The following CDH20 variants were observed in gnomAD, a reference collection of about 807,000 sequenced individuals.
CDH20 encodes the protein cadherin 20.
CDH20 carries 29 observed loss-of-function variants against 74.2 expected under a neutral mutation model. The ratio of observed to expected loss-of-function variants is 0.39; its 90% CI spans 0.29 to 0.53. The LOEUF (loss-of-function observed/expected upper bound fraction) is 0.53. CDH20 is among the 20% of genes least tolerant of loss of function. The pLI is 0.69. For synonymous variants in CDH20, 469 were observed against 405.4 expected (o/e 1.16, Z -1.88); for missense variants, 988 against 1,048.3 (o/e 0.94, Z 0.79).
intron 1 of CDH20, among the ~76,000 whole-genome samples, chr18:61,421,960 C>T (rs1217904982): frequency 2.6e-5 from 4 of 152,086 alleles, no homozygotes; most frequent in Admixed American, 6.5e-5. Context: ...ACGCTCATAT[C>T]ATACAATGAA....
At chr18:61,349,306 AGG>A (rs1568105069) in intron 1 of CDH20, among the ~76,000 whole-genome samples, 3 of 152,226 alleles carry the variant, frequency 2.0e-5, no homozygotes, top group Non-Finnish European at 4.4e-5. Context: ...GTGCTTTCCC[AGG>A]GAAAACAGAA....
At chr18:61,409,968 T>G (rs563640065) in intron 1 of CDH20, among the ~76,000 whole-genome samples, 42 of 152,344 alleles carry the variant, frequency 2.8e-4, no homozygotes, top group South Asian at 8.3e-4. Context: ...GGGAATTCTT[T>G]GAACCTTTTC....
chr18:61,341,431 CCG>C (rs386803966), intron 1 of CDH20, among the ~76,000 whole-genome samples: 1,665 of 151,440 alleles, frequency 0.011, 27 homozygotes, highest in African/African-American at 0.038. Context: ...AGCCCCCCCC[CCG>C]CCTAATGCCG....
At chr18:61,494,379 G>A (rs990895793) in intron 2 of CDH20, among the ~76,000 whole-genome samples, 12 of 152,040 alleles carry the variant, frequency 7.9e-5, no homozygotes, top group African/African-American at 2.7e-4. Flanking sequence ...ATTAGTGCTC[G>A]CCCTTTCCAA....
intron 7 of CDH20, among the ~76,000 whole-genome samples, chr18:61,529,074 C>T (rs1369553058): frequency 6.6e-6 from 1 of 152,156 alleles, no homozygotes; most frequent in Non-Finnish European, 1.5e-5. Context: ...CATCTCTCAC[C>T]AACTGGAACC....
rs1268406187 is a variant in CDH20 at position 61,507,518 on chromosome 18, C to T, written c.975C>T (p.Ser325=). 4 of 1,612,166 alleles carry T rather than the reference C, an allele frequency of 2.5e-6. No homozygotes were observed. The highest frequency in any genetic ancestry group is 3.4e-6 in the Non-Finnish European group (4 of 1,179,248). The change falls in exon 6 of 12, where the codon AGC becomes AGT. Residue 325 remains serine, a synonymous_variant. Coordinates refer to ENST00000262717, the MANE Select transcript of CDH20 (RefSeq NM_031891.4). ...ATGGTGCAGATGCCTTTGACATTAG[C>T]ACAGATCCCAATTTCCAAGTTGGTA... is the stretch of plus-strand genomic sequence containing the variant. ...DGDGADAFDI[S]TDPNFQVGII...
intron 1 of CDH20, among the ~76,000 whole-genome samples, chr18:61,385,446 C>G (rs1331709821): frequency 6.6e-6 from 1 of 151,784 alleles, no homozygotes; most frequent in African/African-American, 2.4e-5. Context: ...GAAATATATA[C>G]CAGTGATATA....
At chr18:61,409,987 A>C (rs1459994924) in intron 1 of CDH20, among the ~76,000 whole-genome samples, 1 of 152,210 alleles carries the variant, frequency 6.6e-6, no homozygotes, top group Non-Finnish European at 1.5e-5. Flanking sequence ...TCTGGTTCTG[A>C]GAACCAGGTG....
rs1269069072 is a variant in CDH20, at chr18:61,490,604, C to T, written c.51C>T (p.Gly17=). 1.2e-6 allele frequency: 2 copies of T among 1,614,132 alleles called. No homozygotes were observed. Among genetic ancestry groups the T allele is most frequent in the Non-Finnish European group, 1.7e-6 (2 of 1,180,012 alleles). ...ATGCAAAGAACTGGCTTGGACTTGG[C>T]ATGTCCTTGTACTTCTGGGGGCTGA... The part of the protein sequence containing the change: ...MSNAKNWLGL[G]MSLYFWGLMD... Residue 17 remains glycine (G), a synonymous_variant, in exon 2 of 12, where the codon GGC becomes GGT. Coordinates refer to ENST00000262717, the MANE Select transcript of CDH20 (RefSeq NM_031891.4).
chr18:61,424,881 G>A (rs1243991421), intron 1 of CDH20, among the ~76,000 whole-genome samples: 1 of 152,158 alleles, frequency 6.6e-6, no homozygotes, highest in Non-Finnish European at 1.5e-5. Context: ...AAATTCCTCA[G>A]TATTAGCATC....
chr18:61,534,779 G>T (rs1396085125), intron 7 of CDH20, among the ~76,000 whole-genome samples: 2 of 152,208 alleles, frequency 1.3e-5, no homozygotes, highest in Non-Finnish European at 2.9e-5. Context: ...CAAAGCTTCA[G>T]TAAGGGGTAG....
intron 1 of CDH20, among the ~76,000 whole-genome samples, chr18:61,475,779 G>T (rs1181102553): frequency 6.6e-6 from 1 of 152,160 alleles, no homozygotes; most frequent in Non-Finnish European, 1.5e-5. Flanking sequence ...TGTTATGCCT[G>T]AACAGACATA....
chr18:61,441,708 C>T (rs2144319231), intron 1 of CDH20, among the ~76,000 whole-genome samples: 1 of 152,260 alleles, frequency 6.6e-6, no homozygotes, highest in East Asian at 1.9e-4. Flanking sequence ...TCCCTTTCAA[C>T]ATTTTTATAT....
At chr18:61,391,100 G>C (rs1038429319) in intron 1 of CDH20, among the ~76,000 whole-genome samples, 7 of 152,038 alleles carry the variant, frequency 4.6e-5, no homozygotes, top group African/African-American at 1.7e-4. Context: ...ATATGACAAA[G>C]GGTTACAAAA....
chr18:61,432,464 T>C (rs1913290668), intron 1 of CDH20, among the ~76,000 whole-genome samples: 1 of 152,084 alleles, frequency 6.6e-6, no homozygotes, highest in Non-Finnish European at 1.5e-5. Flanking sequence ...GCCAAAAAAC[T>C]CAAAACATGT....
In CDH20 at chr18:61,387,815, G is replaced by A. The variant is rs116550341; in HGVS notation, c.-153+53988G>A. Among the ~76,000 whole-genome samples the A allele has an allele frequency of 2.8e-3, 429 of 152,228 alleles. 2 individuals are homozygous for A. Among genetic ancestry groups the A allele is most frequent in the African/African-American group, 9.5e-3 (396 of 41,542 alleles). The stretch of plus-strand genomic sequence containing the variant: ...CCAATTAAACTCAATGCTTGTCCAC[G>A]GTGGAGGAAACATTAGATGAATTAT... On this transcript the variant is annotated intron_variant, in intron 1 of 11. Transcript: ENST00000262717.
intron 6 of CDH20, among the ~76,000 whole-genome samples, chr18:61,522,942 G>A (rs1360706863): frequency 6.6e-6 from 1 of 152,012 alleles, no homozygotes; most frequent in Non-Finnish European, 1.5e-5. Flanking sequence ...TTAAACATAA[G>A]ACCTAAAACC....
rs149033059 is a variant in CDH20 at position 61,518,065 on chromosome 18, T to C, written c.1018-9902T>C. 1.5e-3 allele frequency among the ~76,000 whole-genome samples: 231 copies of C among 152,268 alleles called. 1 individual carries two copies. Among genetic ancestry groups the C allele is most frequent in the African/African-American group, 5.1e-3 (211 of 41,560 alleles). On this transcript the variant is annotated intron_variant, in intron 6 of 11. Transcript: ENST00000262717. ...AAAGCCACGGTACCTAGACTGCCTC[T>C]CTAGATTCCTCCTCTCTGTGCAGGG...
intron 1 of CDH20, among the ~76,000 whole-genome samples, chr18:61,451,935 A>G (rs1417485750): frequency 2.0e-5 from 3 of 152,098 alleles, no homozygotes; most frequent in Non-Finnish European, 4.4e-5. Flanking sequence ...GTGGTCACCT[A>G]TTTCTGAAAT....
Sources: gnomAD v4.1 joint callset for allele counts (sites outside exome capture counted in the v4.1 genomes callset) on GRCh38, gnomAD v4.1.1 for gene constraint, MANE v1.5 for transcripts, NCBI Gene and HGNC (gene_info 2026-07-23, HGNC 2026-07-21) for gene names.